Variants in ATG3 observed in about 807,000 individuals in gnomAD.
ATG3 encodes autophagy related 3.
Under a neutral mutation model 50.7 loss-of-function variants are expected in ATG3, and 25 were observed. The observed-to-expected ratio is 0.49, with a 90% confidence interval of 0.36 to 0.69. The LOEUF is 0.69. Among genes scored for constraint, ATG3 ranks in the 30% least tolerant of loss-of-function variants. The probability of loss-of-function intolerance (pLI) is 0.00; values close to 1 mark genes in which losing one functional copy is unlikely to be tolerated. For missense variants in ATG3, 281 were observed against 376.0 expected, an observed-to-expected ratio of 0.75 and a Z score of 2.09; for synonymous variants, 119 against 125.5, an observed-to-expected ratio of 0.95 and a Z score of 0.34.
chr3:112,556,440 G>C (rs1265216653), intron 2 of ATG3, among the ~76,000 whole-genome samples: 1 of 151,768 alleles, frequency 6.6e-6, no homozygotes, highest in African/African-American at 2.4e-5. Context: ...CGCCCCGTCC[G>C]GGAGGTGAGG....
chr3:112,558,350 G>T (rs759645976), intron 2 of ATG3, 26 bp downstream of exon 2: 5 of 1,543,748 alleles, frequency 3.2e-6, no homozygotes, highest in African/African-American at 1.4e-5. Context: ...AAAATAAAAA[G>T]ACTTCAGTAT....
At chr3:112,544,656 G>A (rs537363330) in intron 5 of ATG3, among the ~76,000 whole-genome samples, 2 of 740 alleles carry the variant, frequency 2.7e-3, no homozygotes, top group East Asian at 0.033. Context: ...CTCCGTCTCA[G>A]GGAAAAAAAA....
chr3:112,532,995 G>A, intron 11 of ATG3: 1 of 1,187,876 alleles, frequency 8.4e-7, no homozygotes, highest in Non-Finnish European at 1.0e-6. Flanking sequence ...TATTGAATTT[G>A]AAACTTCTTA....
intron 5 of ATG3, among the ~76,000 whole-genome samples, chr3:112,547,951 A>C (rs1027718136): frequency 1.3e-5 from 2 of 152,272 alleles, no homozygotes; most frequent in Non-Finnish European, 2.9e-5. Flanking sequence ...AAAGCAAAGT[A>C]GTATGCATAT....
intron 9 of ATG3, among the ~76,000 whole-genome samples, chr3:112,536,920 C>CAAAAAAAAAAAA (rs56353465): frequency 1.5e-5 from 1 of 68,404 alleles, no homozygotes; most frequent in African/African-American, 6.3e-5. Context: ...GACTCCATCT[C>CAAAAAAAAAAAA]AAAAAAAAAA....
At position 112,532,687 on chromosome 3, in the gene ATG3, A is replaced by C. The variant is rs749140520; in HGVS notation, c.*12T>G. 2 of 1,544,988 alleles carry C rather than the reference A, an allele frequency of 1.3e-6. No individual in the cohort carries two copies. Among genetic ancestry groups the C allele is most frequent in the South Asian group, 1.2e-5 (1 of 82,516 alleles). The stretch of plus-strand genomic sequence containing the variant: ...AGAACCAATAATTAGGATAGATTTT[A>C]TGCTCTCTTCATTACATTGTGAAGT... On this transcript the variant is annotated 3_prime_UTR_variant, in exon 12 of 12. Transcript: ENST00000283290.
chr3:112,533,746 A>G (rs1479479162), intron 11 of ATG3: 6 of 985,298 alleles, frequency 6.1e-6, no homozygotes, highest in African/African-American at 1.7e-5. Context: ...ACTTTTGTCA[A>G]TCCAAGAAAA....
Position 112,537,740 on chromosome 3 carries a change from C to G in ATG3, c.661G>C (p.Asp221His), listed in dbSNP as rs1000378189. The G allele has an allele frequency of 5.1e-6, 8 of 1,569,670 alleles. No individual in the cohort carries two copies. Among genetic ancestry groups the G allele is most frequent in the East Asian group, 2.3e-5 (1 of 44,160 alleles). The change falls in exon 9 of 12, where the codon GAT becomes CAT. Residue 221 changes from aspartate to histidine, a missense_variant. Coordinates refer to ENST00000283290, the MANE Select transcript of ATG3 (RefSeq NM_022488.5). ...QTPRLWLFGYDEQRQPLTVEH... is the reference protein window; with the variant it reads ...QTPRLWLFGYHEQRQPLTVEH... Reference sequence around the variant, plus strand: ...ATAATGCTTTTCATTTTTACCTCATCATAGCCAAACAACCATAATCGTGGA... The same window carrying G: ...ATAATGCTTTTCATTTTTACCTCATGATAGCCAAACAACCATAATCGTGGA...
intron 1 of ATG3, among the ~76,000 whole-genome samples, 186 bp from the exon 2 acceptor site, chr3:112,558,603 ATATC>A (rs1214560401): frequency 2.0e-5 from 3 of 152,150 alleles, no homozygotes; most frequent in Non-Finnish European, 2.9e-5. Context: ...GTATCTATCT[ATATC>A]TATCTATCTG....
At position 112,536,439 on chromosome 3, in the gene ATG3, A is replaced by G. The variant is rs752741776; in HGVS notation, c.794+36T>C. 3.7e-6 allele frequency: 6 copies of G among 1,600,800 alleles called. No homozygotes were observed. The African/African-American group carries it at 6.7e-5, about 18-fold the overall frequency. ...TAATAAATCCATGAAATATACAATC[A>G]CATCAAAAAATATATTTATCTCTAC... On this transcript the variant is annotated intron_variant, in intron 10 of 11. Transcript: ENST00000283290.
rs1239685505 is a variant in ATG3 at position 112,558,246 on chromosome 3, TCA to T, written c.114+128_114+129del. ...TATGGGAAGTAGAAATTCCCATAAA[TCA>T]CAGTCATAAAACCTAATTTTACTCA... On this transcript the variant is annotated intron_variant, in intron 2 of 11. Coordinates refer to ENST00000283290, the MANE Select transcript of ATG3 (RefSeq NM_022488.5). 1.2e-4 allele frequency: 81 copies of T among 649,998 alleles called. No individual in the cohort carries two copies. In the South Asian group the frequency reaches 1.4e-3, roughly 11 times the overall value. The allele number at this position is 649,998 out of a possible 1,614,324, so 40.3% of individuals were successfully genotyped here. A position where few individuals can be genotyped will look rare whatever the true frequency, so the allele number is the denominator to read the frequency against.
In ATG3 at chr3:112,561,481, A is replaced by G. The variant is rs143515266; in HGVS notation, c.48T>C (p.Ala16=). 2.7e-5 allele frequency: 43 copies of G among 1,612,414 alleles called. No individual in the cohort carries two copies. In the Admixed American group the frequency reaches 3.0e-4, roughly 11 times the overall value. Residue 16 remains alanine (A), a synonymous_variant, in exon 1 of 12, where the codon GCT becomes GCC. Transcript: ENST00000283290. Reference sequence around the variant, plus strand: ...CCTTGAGGACCGGGGTCAGGTACTCAGCCACTTCCAGTGCCTTTCCCTTCA... The same window carrying G: ...CCTTGAGGACCGGGGTCAGGTACTCGGCCACTTCCAGTGCCTTTCCCTTCA... ...NTVKGKALEV[A]EYLTPVLKES...
Position 112,561,532 on chromosome 3 carries a change from G to A in ATG3, c.-4C>T, listed in dbSNP as rs1211514630. 1 of 1,608,732 alleles carries A rather than the reference G, an allele frequency of 6.2e-7. No homozygotes were observed. The highest frequency in any genetic ancestry group is 1.7e-5 in the Admixed American group (1 of 59,768). On this transcript the variant is annotated 5_prime_UTR_variant, in exon 1 of 12. Coordinates refer to ENST00000283290, the MANE Select transcript of ATG3 (RefSeq NM_022488.5). ...CAGTATTAATCACATTCTGCATCCT[G>A]GGGCCGGAGTAGCGGCCGGCCCCGC...
At chr3:112,545,309 C>T (rs1933342579) in intron 5 of ATG3, among the ~76,000 whole-genome samples, 2 of 152,168 alleles carry the variant, frequency 1.3e-5, no homozygotes, top group East Asian at 1.9e-4. Context: ...GGCAGCACCA[C>T]CAGTCAGCTA....
chr3:112,544,763 T>C (rs1466056423), intron 5 of ATG3, among the ~76,000 whole-genome samples: 1 of 152,026 alleles, frequency 6.6e-6, no homozygotes, highest in Admixed American at 6.6e-5. Context: ...TTAGTTATCT[T>C]AATATAGGCT....
chr3:112,549,621 C>T (rs913902280), intron 4 of ATG3, among the ~76,000 whole-genome samples: 1 of 151,870 alleles, frequency 6.6e-6, no homozygotes, highest in Non-Finnish European at 1.5e-5. Flanking sequence ...CCAGCCTGAC[C>T]AACATGGCAA....
chr3:112,546,609 CA>C (rs35572938), intron 5 of ATG3, among the ~76,000 whole-genome samples: 23,933 of 152,158 alleles, frequency 0.16, 4,421 homozygotes, highest in African/African-American at 0.44. Flanking sequence ...GACTAATACA[CA>C]AGCTAATAGA....
rs550244348 is a variant in ATG3, at chr3:112,543,798, T to C, written c.393+259A>G. On this transcript the variant is annotated intron_variant, in intron 6 of 11. Transcript: ENST00000283290. Reference sequence around the variant, plus strand: ...AGTGAAAATTAGTAGTTTGTACAAGTTACAATCTAAAAGCTGTTTTACTTA... The same window carrying C: ...AGTGAAAATTAGTAGTTTGTACAAGCTACAATCTAAAAGCTGTTTTACTTA... 7.2e-5 allele frequency among the ~76,000 whole-genome samples: 11 copies of C among 152,230 alleles called. No individual in the cohort carries two copies. In the East Asian group the frequency reaches 2.1e-3, roughly 29 times the overall value.
chr3:112,541,032 T>C (rs1175485868), intron 7 of ATG3, among the ~76,000 whole-genome samples: 1 of 152,148 alleles, frequency 6.6e-6, no homozygotes, highest in Non-Finnish European at 1.5e-5. Flanking sequence ...GATTCTCAAC[T>C]GGCAACTCTA....
Sources: gnomAD v4.1 joint callset for allele counts (sites outside exome capture counted in the v4.1 genomes callset) on GRCh38, gnomAD v4.1.1 for gene constraint, MANE v1.5 for transcripts, NCBI Gene and HGNC (gene_info 2026-07-23, HGNC 2026-07-21) for gene names.